Variants in OSBPL5 observed in about 807,000 individuals in gnomAD.
OSBPL5 encodes the protein oxysterol binding protein like 5, also known as oxysterol-binding protein-related protein 5.
OSBPL5 carries 71 observed loss-of-function variants against 111.2 expected under a neutral mutation model. The observed-to-expected ratio is 0.64, with a 90% CI of 0.53 to 0.78. The LOEUF (loss-of-function observed/expected upper bound fraction) is 0.78. Ranked by LOEUF, OSBPL5 falls within the 30% of genes least tolerant of loss-of-function variation. OSBPL5 has a pLI of 0.00. For synonymous variants in OSBPL5, 549 were observed against 513.9 expected (o/e 1.07, Z -0.93); for missense variants, 1,210 against 1,189.3 (o/e 1.02, Z -0.26).
chr11:3,160,726 T>A (rs1362277569), intron 1 of OSBPL5, among the ~76,000 whole-genome samples: 2 of 109,300 alleles, frequency 1.8e-5, no homozygotes, highest in African/African-American at 3.5e-5. Context: ...CAATAGCACA[T>A]CAATCCCTCC....
chr11:3,131,534 TCC>T (rs1858835464), intron 1 of OSBPL5, among the ~76,000 whole-genome samples: 1 of 141,162 alleles, frequency 7.1e-6, no homozygotes, highest in Non-Finnish European at 1.5e-5. Context: ...CATTCATCCA[TCC>T]ATCCATCCAT....
intron 2 of OSBPL5, among the ~76,000 whole-genome samples, chr11:3,127,809 G>A (rs1039200457): frequency 2.6e-5 from 4 of 152,182 alleles, no homozygotes; most frequent in African/African-American, 9.7e-5. Context: ...GTCAGCACTG[G>A]TCCTTCTCCT....
At chr11:3,149,877 G>A (rs955787603) in intron 1 of OSBPL5, among the ~76,000 whole-genome samples, 1 of 152,196 alleles carries the variant, frequency 6.6e-6, no homozygotes, top group Non-Finnish European at 1.5e-5. Context: ...GAGTGTGATG[G>A]TGGCCTTGCA....
At position 3,141,737 on chromosome 11, in the gene OSBPL5, C is replaced by T. The variant is rs960550135; in HGVS notation, c.-21-12568G>A. 1.3e-5 allele frequency among the ~76,000 whole-genome samples: 2 copies of T among 152,160 alleles called. No homozygotes were observed. The highest frequency in any genetic ancestry group is 2.9e-5 in the Non-Finnish European group (2 of 68,022). ...CCTACGCCACCCTTGCATGTGTGTC[C>T]TCCCCTGGGCACAGGATGCTAAATG... On this transcript the variant is annotated intron_variant, in intron 1 of 21. Coordinates refer to ENST00000263650, the MANE Select transcript of OSBPL5 (RefSeq NM_020896.4). The surrounding 1 kb of genome is among the most constrained non-coding windows in gnomAD (Gnocchi z 6.5).
chr11:3,127,528 G>A lies in OSBPL5; in HGVS notation c.137-973C>T, dbSNP rs537729810. Among the ~76,000 whole-genome samples the A allele has an allele frequency of 4.6e-5, 7 of 152,298 alleles. No individual in the cohort carries two copies. In the South Asian group the frequency reaches 6.2e-4, roughly 14 times the overall value. Reference sequence around the variant, plus strand: ...TGGCCACTCACAGTCACAGAACATCGCTGACCCTGGCCGGCAGTGGCTGCT... The same window carrying A: ...TGGCCACTCACAGTCACAGAACATCACTGACCCTGGCCGGCAGTGGCTGCT... On this transcript the variant is annotated intron_variant, in intron 2 of 21. Coordinates refer to ENST00000263650, the MANE Select transcript of OSBPL5 (RefSeq NM_020896.4).
In OSBPL5 at chr11:3,092,363, G is replaced by GAGGGA. The variant is rs2134383349; in HGVS notation, c.2259+68_2259+69insTCCCT. ...GAGGGGAAGGGAGGAGTGAGGTGAG[G>GAGGGA]AGCGAGGGGTGGTGGTGGCCACACG... On this transcript the variant is annotated intron_variant, in intron 19 of 21. Transcript: ENST00000263650. The surrounding 1 kb of genome is among the most constrained non-coding windows in gnomAD (Gnocchi z 5.4). 1 of 1,486,522 alleles carries GAGGGA rather than the reference G, an allele frequency of 6.7e-7. No homozygotes were observed. The highest frequency in any genetic ancestry group is 1.3e-5 in the South Asian group (1 of 75,634). 92.1% of individuals were successfully genotyped at this position (1,486,522 alleles called of 1,614,324 possible).
At chr11:3,093,982 G>C (rs560151218) in intron 15 of OSBPL5, 147 bp from the exon 16 acceptor site, 7 of 1,011,262 alleles carry the variant, frequency 6.9e-6, no homozygotes, top group Non-Finnish European at 8.6e-6. Context: ...CGAGGCCTTC[G>C]GGACCCCCAC....
chr11:3,091,370 G>A (rs917411168), intron 19 of OSBPL5, among the ~76,000 whole-genome samples: 11 of 152,188 alleles, frequency 7.2e-5, no homozygotes, highest in African/African-American at 2.7e-4. Context: ...TCAGCGACGG[G>A]GCAGGTGGGG....
At position 3,154,933 on chromosome 11, in the gene OSBPL5, A is replaced by T. The variant is rs978039862; in HGVS notation, c.-22+10283T>A. 7.1e-6 allele frequency among the ~76,000 whole-genome samples: 1 copy of T among 141,212 alleles called. No individual in the cohort carries two copies. Among genetic ancestry groups the T allele is most frequent in the East Asian group, 2.1e-4 (1 of 4,660 alleles). The allele number at this position is 141,212 out of a possible 152,430, so 92.6% of individuals were successfully genotyped here. A position where few individuals can be genotyped will look rare whatever the true frequency, so the allele number is the denominator to read the frequency against. ...AGTATAATAATAATAATAATAATAA[A>T]AAGAGCCCATTAAATTAAAACAGGT... On this transcript the variant is annotated intron_variant, in intron 1 of 21. Coordinates refer to ENST00000263650, the MANE Select transcript of OSBPL5 (RefSeq NM_020896.4). The surrounding 1 kb of genome is among the most constrained non-coding windows in gnomAD (Gnocchi z 4.9).
intron 3 of OSBPL5, among the ~76,000 whole-genome samples, chr11:3,123,743 G>C (rs139070416): frequency 4.8e-4 from 73 of 152,354 alleles, no homozygotes; most frequent in African/African-American, 1.7e-3. Context: ...AGCCTTGTCT[G>C]CTGGGGCACC....
intron 1 of OSBPL5, among the ~76,000 whole-genome samples, chr11:3,163,019 CCCCGACAGCTCCCTT>C (rs1264786838): frequency 2.6e-5 from 4 of 151,926 alleles, no homozygotes; most frequent in Non-Finnish European, 5.9e-5. Flanking sequence ...ACGGCTCCCT[CCCCGACAGCTCCCTT>C]CCTGTCAAAA....
At chr11:3,128,303 G>C (rs1438380825) in intron 2 of OSBPL5, among the ~76,000 whole-genome samples, 1 of 152,300 alleles carries the variant, frequency 6.6e-6, no homozygotes, top group South Asian at 2.1e-4. Context: ...TGGGAGGAGA[G>C]GGGGCAGAGC....
rs1239226715 is a variant in OSBPL5 at position 3,141,799 on chromosome 11, C to A, written c.-21-12630G>T. On this transcript the variant is annotated intron_variant, in intron 1 of 21. Transcript: ENST00000263650. The surrounding 1 kb of genome is among the most constrained non-coding windows in gnomAD (Gnocchi z 6.5). ...GGAACACCCACCCCCCACCCGCCTCCCACCCAGTGCAGGGACTGGGAGGAC... is the reference window on the plus strand; with the variant it reads ...GGAACACCCACCCCCCACCCGCCTCACACCCAGTGCAGGGACTGGGAGGAC... Among the ~76,000 whole-genome samples the A allele has an allele frequency of 6.9e-6, 1 of 144,042 alleles. No homozygotes were observed. The highest frequency in any genetic ancestry group is 2.5e-5 in the African/African-American group (1 of 40,016). 94.5% of individuals were successfully genotyped at this position (144,042 alleles called of 152,430 possible). A position where few individuals can be genotyped will look rare whatever the true frequency, so the allele number is the denominator to read the frequency against.
At chr11:3,118,735 C>G (rs879337106) in intron 7 of OSBPL5, among the ~76,000 whole-genome samples, 1 of 151,972 alleles carries the variant, frequency 6.6e-6, no homozygotes, top group Non-Finnish European at 1.5e-5. Flanking sequence ...CCATGCCCAG[C>G]TAATTTTGTA....
chr11:3,139,610 TC>T (rs989971567), intron 1 of OSBPL5, among the ~76,000 whole-genome samples: 1 of 152,084 alleles, frequency 6.6e-6, no homozygotes, highest in African/African-American at 2.4e-5. Context: ...TGGCAGGCCT[TC>T]CCCTGGCCTC....
rs1301757835 is a variant in OSBPL5 at position 3,142,945 on chromosome 11, A to T, written c.-21-13776T>A. On this transcript the variant is annotated intron_variant, in intron 1 of 21. Transcript: ENST00000263650. This position sits in a 1 kb window ranked among gnomAD's most constrained non-coding sequence, Gnocchi z 7.1. Reference sequence around the variant, plus strand: ...GGGTGTGTGAGCAGAGACCCTTGGGACCCAGCATCTGGGTCTGGACGGTCC... The same window carrying T: ...GGGTGTGTGAGCAGAGACCCTTGGGTCCCAGCATCTGGGTCTGGACGGTCC... Among the ~76,000 whole-genome samples, 1 of 141,840 alleles carries T rather than the reference A, an allele frequency of 7.1e-6. No individual in the cohort carries two copies. Among genetic ancestry groups the T allele is most frequent in the Non-Finnish European group, 1.5e-5 (1 of 65,614 alleles). 93.1% of individuals were successfully genotyped at this position (141,840 alleles called of 152,430 possible). A position where few individuals can be genotyped will look rare whatever the true frequency, so the allele number is the denominator to read the frequency against.
rs1319165105 is a variant in OSBPL5 at position 3,129,231 on chromosome 11, A to G, written c.-21-62T>C. On this transcript the variant is annotated intron_variant, in intron 1 of 21. Coordinates refer to ENST00000263650, the MANE Select transcript of OSBPL5 (RefSeq NM_020896.4). ...GCCCCGGAAGGGGCTTCAGAGCCAC[A>G]TGGTGGGGGTGCCCCTGGCTAAGAA... The G allele has an allele frequency of 2.5e-5, 33 of 1,329,932 alleles. No individual in the cohort carries two copies. In the South Asian group the frequency reaches 2.8e-4, roughly 11 times the overall value. 82.4% of individuals were successfully genotyped at this position (1,329,932 alleles called of 1,614,324 possible).
In OSBPL5 at chr11:3,126,428, G is replaced by C. The variant is rs200400021; in HGVS notation, c.219+45C>G. On this transcript the variant is annotated intron_variant, in intron 3 of 21. Transcript: ENST00000263650. The surrounding 1 kb of genome is among the most constrained non-coding windows in gnomAD (Gnocchi z 6.5). ...CCCCAGCCGTTTCCTGCTGTCCCCA[G>C]AGCCAGGCTCTGGCTCATGGATCCT... is the stretch of plus-strand genomic sequence containing the variant. 1,976 of 1,522,590 alleles carry C rather than the reference G, an allele frequency of 1.3e-3. 23 individuals carry two copies. The African/African-American group carries it at 0.022, about 17-fold the overall frequency. The allele number at this position is 1,522,590 out of a possible 1,614,324, so 94.3% of individuals were successfully genotyped here. A position where few individuals can be genotyped will look rare whatever the true frequency, so the allele number is the denominator to read the frequency against.
At chr11:3,128,292 G>A (rs1389531775) in intron 2 of OSBPL5, among the ~76,000 whole-genome samples, 2 of 152,220 alleles carry the variant, frequency 1.3e-5, no homozygotes, top group Non-Finnish European at 2.9e-5. Flanking sequence ...AAAGCAGGCA[G>A]TGGGAGGAGA....
Sources: gnomAD v4.1 joint callset for allele counts (sites outside exome capture counted in the v4.1 genomes callset) on GRCh38, gnomAD v4.1.1 for gene constraint, Gnocchi (gnomAD v3.1) non-coding constraint, MANE v1.5 for transcripts, NCBI Gene and HGNC (gene_info 2026-07-23, HGNC 2026-07-21) for gene names.